ZUP1: variants seen among roughly 807,000 people sequenced by gnomAD.
ZUP1 encodes zinc finger containing ubiquitin peptidase 1, also known as zinc finger-containing ubiquitin peptidase 1.
In ZUP1, 55 loss-of-function variants were observed where a neutral mutation model predicts 68.1. That is an observed-to-expected ratio of 0.81 (90% CI 0.65 to 1.01). The LOEUF is 1.01. Ranked by LOEUF, ZUP1 falls within the 50% of genes least tolerant of loss-of-function variation. The pLI, the probability that ZUP1 is intolerant of heterozygous loss-of-function variation, is 0.00. For missense variants in ZUP1, 684 were observed against 674.9 expected (o/e 1.01, Z -0.15); for synonymous variants, 223 against 221.5 (o/e 1.01, Z -0.06).
rs924024110 is a variant in ZUP1 at position 116,642,000 on chromosome 6, G to C, written c.1689+3714C>G. Among the ~76,000 whole-genome samples, 11 of 151,930 alleles carry C rather than the reference G, an allele frequency of 7.2e-5. 2 individuals are homozygous for C. Among genetic ancestry groups the C allele is most frequent in the African/African-American group, 2.4e-4 (10 of 41,418 alleles). On this transcript the variant is annotated intron_variant, in intron 9 of 9. Transcript: ENST00000368576. Reference sequence around the variant, plus strand: ...CAGACGCAATAAAAAATGATAAAGGGGATATCACCACCGATCCCACAGAAA... The same window carrying C: ...CAGACGCAATAAAAAATGATAAAGGCGATATCACCACCGATCCCACAGAAA...
intron 9 of ZUP1, among the ~76,000 whole-genome samples, chr6:116,639,191 G>C (rs1283096136): frequency 6.6e-6 from 1 of 152,172 alleles, no homozygotes; most frequent in Non-Finnish European, 1.5e-5. Flanking sequence ...CGGGAAGCTC[G>C]AACTGGGTGG....
At chr6:116,657,109 A>G (rs1441439220) in intron 4 of ZUP1, among the ~76,000 whole-genome samples, 1 of 152,188 alleles carries the variant, frequency 6.6e-6, no homozygotes, top group African/African-American at 2.4e-5. Context: ...GTAGTAGGGA[A>G]AGCAGAGGAT....
chr6:116,661,914 G>A (rs1379822144), intron 2 of ZUP1, among the ~76,000 whole-genome samples: 1 of 152,178 alleles, frequency 6.6e-6, no homozygotes, highest in East Asian at 1.9e-4. Context: ...AAAGTTACCT[G>A]TGAAGAAATG....
intron 2 of ZUP1, among the ~76,000 whole-genome samples, chr6:116,665,529 T>C (rs1776972260): frequency 6.8e-6 from 1 of 147,110 alleles, no homozygotes; most frequent in Non-Finnish European, 1.5e-5. Flanking sequence ...AAAATACACA[T>C]CCAAAAAAGA....
At chr6:116,651,105 T>A (rs1454431138) in intron 7 of ZUP1, among the ~76,000 whole-genome samples, 1 of 151,998 alleles carries the variant, frequency 6.6e-6, no homozygotes. Context: ...TCGTCACATA[T>A]TATAGTAAAA....
In ZUP1 at chr6:116,645,938, T is replaced by G; in HGVS notation, c.1469-4A>C. 1 of 1,604,280 alleles carries G rather than the reference T, an allele frequency of 6.2e-7. No homozygotes were observed. The highest frequency in any genetic ancestry group is 8.5e-7 in the Non-Finnish European group (1 of 1,174,862). Reference sequence around the variant, plus strand: ...CCAATAACAGTTCGACTGTGACCTATCAAAAGATTTTTAAGTTATACATAC... The same window carrying G: ...CCAATAACAGTTCGACTGTGACCTAGCAAAAGATTTTTAAGTTATACATAC... On this transcript the variant is annotated splice_region_variant and splice_polypyrimidine_tract_variant and intron_variant, in intron 8 of 9. Coordinates refer to ENST00000368576, the MANE Select transcript of ZUP1 (RefSeq NM_145062.3).
intron 2 of ZUP1, 59 bp from the exon 3 acceptor site, chr6:116,660,905 T>A: frequency 3.6e-6 from 1 of 279,526 alleles, no homozygotes; most frequent in Non-Finnish European, 5.8e-6. Context: ...TTTTCTTTGC[T>A]TTTTTTTTTT....
At position 116,666,993 on chromosome 6, in the gene ZUP1, G is replaced by C. The variant is rs573613515; in HGVS notation, c.200C>G (p.Thr67Arg). The C allele has an allele frequency of 6.2e-7, 1 of 1,613,666 alleles. No individual in the cohort carries two copies. The highest frequency in any genetic ancestry group is 1.7e-5 in the Admixed American group (1 of 60,006). Residue 67 changes from threonine (T) to arginine (R), a missense_variant, in exon 2 of 10, where the codon ACA (threonine) becomes AGA (arginine). Thr to Arg is a moderately conservative substitution (Grantham distance 71, BLOSUM62 -1). Transcript: ENST00000368576. Reference sequence around the variant, plus strand: ...GTTATCTGAAGTTCCATATTGTACTGTATTTATCCTCTCAAAGTTTCTTTC... The same window carrying C: ...GTTATCTGAAGTTCCATATTGTACTCTATTTATCCTCTCAAAGTTTCTTTC... ...TLERNFERIN[T>R]VQYGTSDNKK... is the part of the protein sequence containing the mutation.
intron 9 of ZUP1, among the ~76,000 whole-genome samples, chr6:116,638,882 G>A (rs1449457746): frequency 6.6e-6 from 1 of 152,220 alleles, no homozygotes. Flanking sequence ...AGCAGGGCGA[G>A]GCATTGCCTC....
intron 2 of ZUP1, among the ~76,000 whole-genome samples, chr6:116,663,908 C>T (rs1776916998): frequency 1.3e-5 from 2 of 151,950 alleles, no homozygotes; most frequent in Admixed American, 1.3e-4. Context: ...GATCATGCCA[C>T]TGAACTCCAG....
chr6:116,647,643 G>T lies in ZUP1; in HGVS notation c.1317-33C>A, dbSNP rs781150556. On this transcript the variant is annotated intron_variant, in intron 7 of 9. Coordinates refer to ENST00000368576, the MANE Select transcript of ZUP1 (RefSeq NM_145062.3). ...AAATTGACAAAATGCACATTTAAAG[G>T]GCATTTTAAAATATTTTCATCGATG... is the stretch of plus-strand genomic sequence containing the variant. 9.1e-6 allele frequency: 13 copies of T among 1,429,462 alleles called. No homozygotes were observed. The East Asian group carries it at 3.0e-4, about 33-fold the overall frequency. 88.5% of individuals were successfully genotyped at this position (1,429,462 alleles called of 1,614,324 possible).
chr6:116,640,023 G>A (rs187086953), intron 9 of ZUP1, among the ~76,000 whole-genome samples: 3,089 of 152,258 alleles, frequency 0.02, 102 homozygotes, highest in African/African-American at 0.07. Context: ...GCCAAGGCTC[G>A]AGAACTACGT....
At chr6:116,657,021 AC>A (rs760779797) in intron 4 of ZUP1, among the ~76,000 whole-genome samples, 169 bp from the exon 5 acceptor site, 28,382 of 149,438 alleles carry the variant, frequency 0.19, 2,850 homozygotes, top group South Asian at 0.25. Flanking sequence ...ACACACACAC[AC>A]ACAAAAAAAA....
At chr6:116,666,129 G>C (rs1777001343) in intron 2 of ZUP1, among the ~76,000 whole-genome samples, 1 of 152,044 alleles carries the variant, frequency 6.6e-6, no homozygotes, top group African/African-American at 2.4e-5. Flanking sequence ...ATAAACAACA[G>C]GATCTAGTGA....
intron 7 of ZUP1, among the ~76,000 whole-genome samples, chr6:116,650,165 G>C (rs1776437522): frequency 6.6e-6 from 1 of 152,172 alleles, no homozygotes; most frequent in Admixed American, 6.5e-5. Flanking sequence ...GCTCAAGCCT[G>C]TAATCCTAGC....
intron 9 of ZUP1, among the ~76,000 whole-genome samples, chr6:116,637,923 G>A (rs556902861): frequency 3.9e-5 from 6 of 152,122 alleles, no homozygotes; most frequent in Admixed American, 6.5e-5. Flanking sequence ...TTAGCTGGGC[G>A]TGGTGGCACA....
intron 9 of ZUP1, among the ~76,000 whole-genome samples, chr6:116,644,903 A>C (rs784137): frequency 6.6e-6 from 1 of 151,502 alleles, no homozygotes; most frequent in Non-Finnish European, 1.5e-5. Context: ...GGAGGAGGTG[A>C]AAAGAAAAAA....
chr6:116,659,277 C>T (rs993526006), intron 3 of ZUP1, among the ~76,000 whole-genome samples: 1 of 152,098 alleles, frequency 6.6e-6, no homozygotes, highest in Non-Finnish European at 1.5e-5. Context: ...TTACAGGTGC[C>T]TGCCACCATG....
At chr6:116,643,441 T>G (rs933789498) in intron 9 of ZUP1, among the ~76,000 whole-genome samples, 1 of 152,092 alleles carries the variant, frequency 6.6e-6, no homozygotes, top group Admixed American at 6.6e-5. Context: ...CAAACTATAC[T>G]ACAAGGTTAC....
Sources: allele counts gnomAD v4.1 joint callset (sites outside exome capture counted in the v4.1 genomes callset), GRCh38; gene constraint gnomAD v4.1.1; transcripts MANE v1.5; gene names NCBI Gene and HGNC (gene_info 2026-07-23, HGNC 2026-07-21).